The following PTPRC variants were observed in gnomAD, a reference collection of about 807,000 sequenced individuals.
PTPRC encodes the protein protein tyrosine phosphatase receptor type C.
PTPRC carries 44 observed loss-of-function variants against 155.9 expected under a neutral mutation model. The observed-to-expected ratio is 0.28, with a 90% confidence interval of 0.22 to 0.36. PTPRC has a LOEUF of 0.36. PTPRC is among the 10% of genes least tolerant of loss of function. The pLI is 1.00. For missense variants in PTPRC, 1,401 were observed against 1,564.6 expected (o/e 0.90, Z 1.76); for synonymous variants, 525 against 533.1 (o/e 0.98, Z 0.21).
chr1:198,694,392 A>G (rs1371854824), intron 3 of PTPRC: 6 of 1,096,248 alleles, frequency 5.5e-6, no homozygotes, highest in African/African-American at 1.6e-5. Context: ...CCTTGGCAAT[A>G]CGCTCACAGG....
intron 2 of PTPRC, among the ~76,000 whole-genome samples, chr1:198,643,984 G>A (rs1662791498): frequency 6.6e-6 from 1 of 151,864 alleles, no homozygotes; most frequent in South Asian, 2.1e-4. Flanking sequence ...GAGTAGGTAA[G>A]GGGCAGAGAT....
intron 11 of PTPRC, among the ~76,000 whole-genome samples, chr1:198,712,053 G>A (rs574646100): frequency 6.6e-6 from 1 of 152,296 alleles, no homozygotes; most frequent in African/African-American, 2.4e-5. Context: ...CAAAGCAGAT[G>A]CATTCATAGT....
chr1:198,652,449 G>T (rs184476144), intron 2 of PTPRC, among the ~76,000 whole-genome samples: 2 of 151,936 alleles, frequency 1.3e-5, no homozygotes, highest in East Asian at 3.9e-4. Flanking sequence ...GAATAATCTA[G>T]TTGTGTGTAA....
At chr1:198,737,868 C>T (rs1355073835) in intron 23 of PTPRC, among the ~76,000 whole-genome samples, 3 of 151,500 alleles carry the variant, frequency 2.0e-5, no homozygotes, top group South Asian at 2.1e-4. Context: ...TTGTAGAGAT[C>T]TTTCACTTCT....
intron 2 of PTPRC, among the ~76,000 whole-genome samples, chr1:198,645,445 T>C (rs1344190442): frequency 6.6e-6 from 1 of 151,756 alleles, no homozygotes; most frequent in African/African-American, 2.4e-5. Flanking sequence ...CATCATGACA[T>C]CTGTAGTGAT....
At chr1:198,716,959 A>C in intron 13 of PTPRC, 119 bp downstream of exon 13, 2 of 915,716 alleles carry the variant, frequency 2.2e-6, no homozygotes, top group Admixed American at 2.3e-5. Flanking sequence ...ACATTTGTTA[A>C]CATCTAGGGC....
At chr1:198,661,940 A>G (rs989823689) in intron 2 of PTPRC, among the ~76,000 whole-genome samples, 1 of 152,092 alleles carries the variant, frequency 6.6e-6, no homozygotes, top group African/African-American at 2.4e-5. Flanking sequence ...TTGGATTTCA[A>G]TTTCATTTAT....
Position 198,744,134 on chromosome 1 carries a change from T to C in PTPRC, c.2778T>C (p.His926=), listed in dbSNP as rs373417813. 4 of 1,605,180 alleles carry C rather than the reference T, an allele frequency of 2.5e-6. No individual in the cohort carries two copies. Among genetic ancestry groups the C allele is most frequent in the Non-Finnish European group, 2.6e-6 (3 of 1,172,964 alleles). The change falls in exon 26 of 33, where the codon CAT becomes CAC. Residue 926 remains histidine, a synonymous_variant. Coordinates refer to ENST00000442510, the MANE Select transcript of PTPRC (RefSeq NM_002838.5). ...GETEVNLSEL[H]PYLHNMKKRD... ...CAGAAGTGAATTTGTCTGAATTACA[T>C]CCATATCTACATAACATGAAGAAAA...
chr1:198,737,601 C>T (rs926964820), intron 23 of PTPRC, among the ~76,000 whole-genome samples: 1 of 151,550 alleles, frequency 6.6e-6, no homozygotes, highest in Non-Finnish European at 1.5e-5. Context: ...ATTGTGATTC[C>T]TCTAGTTTTG....
rs753220314 is a variant in PTPRC, at chr1:198,744,048, T to C, written c.2698-6T>C. ...TAACTATCTGTATTTGTTCTTGAAATTGTAGGCCCAGTACATCTTGATCCA... is the reference window on the plus strand; with the variant it reads ...TAACTATCTGTATTTGTTCTTGAAACTGTAGGCCCAGTACATCTTGATCCA... On this transcript the variant is annotated splice_region_variant and splice_polypyrimidine_tract_variant and intron_variant, in intron 25 of 32. Transcript: ENST00000442510. 7 of 1,596,000 alleles carry C rather than the reference T, an allele frequency of 4.4e-6. No homozygotes were observed. In the East Asian group the frequency reaches 1.1e-4, roughly 26 times the overall value.
Position 198,752,751 on chromosome 1 carries a change from C to T in PTPRC, c.3488C>T (p.Thr1163Ile), listed in dbSNP as rs372398436. ...SSEGNKHHKS[T>I]PLLIHCRDGS... ...GAAGGGAACAAGCATCACAAGAGTA[C>T]ACCTCTACTCATTCACTGCAGGTGC... Residue 1163 changes from threonine to isoleucine, a missense_variant, in exon 31 of 33, where the codon ACA (threonine) becomes ATA (isoleucine). Around this residue, in one of 3 missense-constraint regions of PTPRC, gnomAD observed 400 missense variants for 389.5 expected, o/e 1.03. Coordinates refer to ENST00000442510, the MANE Select transcript of PTPRC (RefSeq NM_002838.5). 2 of 1,612,738 alleles carry T rather than the reference C, an allele frequency of 1.2e-6. No homozygotes were observed. The highest frequency in any genetic ancestry group is 2.7e-5 in the African/African-American group (2 of 74,966).
At chr1:198,715,049 A>G (rs1653506024) in intron 12 of PTPRC, among the ~76,000 whole-genome samples, 1 of 152,164 alleles carries the variant, frequency 6.6e-6, no homozygotes, top group Admixed American at 6.5e-5. Context: ...TCATATGATG[A>G]AACTGAGGTT....
intron 29 of PTPRC, among the ~76,000 whole-genome samples, chr1:198,751,214 T>A (rs1008164001): frequency 1.2e-4 from 18 of 152,044 alleles, no homozygotes; most frequent in Non-Finnish European, 2.2e-4. Context: ...TTTATTCCCA[T>A]ATAATATTTA....
chr1:198,684,480 C>T (rs540010547), intron 2 of PTPRC, among the ~76,000 whole-genome samples: 8 of 151,858 alleles, frequency 5.3e-5, no homozygotes, highest in Admixed American at 3.3e-4. Context: ...ATCCTCAATA[C>T]TGCTTTACAT....
chr1:198,723,201 G>A (rs2102459863), intron 15 of PTPRC, among the ~76,000 whole-genome samples: 1 of 151,694 alleles, frequency 6.6e-6, no homozygotes, highest in South Asian at 2.1e-4. Flanking sequence ...TATGGAGGAA[G>A]GAGACCTAGT....
At chr1:198,725,065 G>A (rs1000253924) in intron 15 of PTPRC, among the ~76,000 whole-genome samples, 11 of 152,136 alleles carry the variant, frequency 7.2e-5, no homozygotes, top group African/African-American at 2.4e-4. Flanking sequence ...GCCTCCCAAA[G>A]TGCTGGGATT....
chr1:198,742,443 A>AT lies in PTPRC; in HGVS notation c.2697+82dup, dbSNP rs542262955. 6.1e-4 allele frequency: 965 copies of AT among 1,569,992 alleles called. 9 individuals carry two copies. In the African/African-American group the frequency reaches 0.011, roughly 19 times the overall value. ...ATCTTTTCCAAGTGATAATAATGAT[A>AT]TTTTTTAAAAATCCAAATTCTTCAC... On this transcript the variant is annotated intron_variant, in intron 25 of 32. Coordinates refer to ENST00000442510, the MANE Select transcript of PTPRC (RefSeq NM_002838.5).
At chr1:198,691,643 CATCCCTTTAATGGAT>C (rs1368378034) in intron 2 of PTPRC, among the ~76,000 whole-genome samples, 3 of 152,084 alleles carry the variant, frequency 2.0e-5, no homozygotes, top group Non-Finnish European at 2.9e-5. Context: ...CCTTTAAAGA[CATCCCTTTAATGGAT>C]ATCTAAAGCC....
chr1:198,664,265 G>A (rs1489727763), intron 2 of PTPRC, among the ~76,000 whole-genome samples: 2 of 152,106 alleles, frequency 1.3e-5, no homozygotes, highest in Non-Finnish European at 2.9e-5. Flanking sequence ...ATACAAAAAT[G>A]GGAAAATATT....
Sources: allele counts gnomAD v4.1 joint callset (sites outside exome capture counted in the v4.1 genomes callset), GRCh38; gene constraint gnomAD v4.1.1; regional missense constraint gnomAD v4.1.1; transcripts MANE v1.5; gene names NCBI Gene and HGNC (gene_info 2026-07-23, HGNC 2026-07-21).